DIP2C: variants seen among roughly 807,000 people sequenced by gnomAD.
The protein encoded by DIP2C is disco-interacting protein 2 homolog C.
In DIP2C, 33 loss-of-function variants were observed where a neutral mutation model predicts 192.4. The ratio of observed to expected loss-of-function variants is 0.17; its 90% CI spans 0.13 to 0.23. The LOEUF (loss-of-function observed/expected upper bound fraction) is 0.23. DIP2C is among the 10% of genes least tolerant of loss of function. The probability of loss-of-function intolerance (pLI) is 1.00; values close to 1 mark genes in which losing one functional copy is unlikely to be tolerated. For missense variants in DIP2C, 1,537 were observed against 2,110.1 expected (o/e 0.73, Z 5.32); for synonymous variants, 979 against 864.1 (o/e 1.13, Z -2.33).
intron 1 of DIP2C, among the ~76,000 whole-genome samples, chr10:493,688 G>A (rs1432714295): frequency 2.0e-5 from 3 of 152,188 alleles, no homozygotes. Context: ...GGATTGGGAG[G>A]GAACATGAGC....
chr10:639,476 A>G (rs1166384661), intron 1 of DIP2C, among the ~76,000 whole-genome samples: 2 of 148,794 alleles, frequency 1.3e-5, no homozygotes. Flanking sequence ...CGGTCCACAC[A>G]TGGGGATGTG....
At chr10:303,123 CTG>C (rs1035192628) in intron 32 of DIP2C, among the ~76,000 whole-genome samples, 36 of 152,218 alleles carry the variant, frequency 2.4e-4, no homozygotes, top group African/African-American at 8.4e-4. Flanking sequence ...TTCATAAACA[CTG>C]TACTCGTGAG....
At position 334,416 on chromosome 10, in the gene DIP2C, TTAATTC is replaced by T. The variant is rs1174937315; in HGVS notation, c.3585-4821_3585-4816del. On this transcript the variant is annotated intron_variant, in intron 29 of 36. Transcript: ENST00000280886. ...CCCAGACTGTGGCTTGTCTTTCTAC[TTAATTC>T]TGTCTTTTGATATACAAAAGTTTTA... Among the ~76,000 whole-genome samples, 23 of 152,284 alleles carry T rather than the reference TTAATTC, an allele frequency of 1.5e-4. No homozygotes were observed. The East Asian group carries it at 3.5e-3, about 23-fold the overall frequency.
chr10:610,756 C>A (rs1399622341), intron 1 of DIP2C, among the ~76,000 whole-genome samples: 1 of 151,134 alleles, frequency 6.6e-6, no homozygotes, highest in African/African-American at 2.4e-5. Flanking sequence ...TTTCTAACCC[C>A]CCAGTGTTGG....
chr10:343,516 TG>T (rs2132577388), intron 28 of DIP2C, among the ~76,000 whole-genome samples: 1 of 152,364 alleles, frequency 6.6e-6, no homozygotes, highest in South Asian at 2.1e-4. Flanking sequence ...GTTTCGTAAC[TG>T]TTTTACTATA....
At chr10:286,119 C>T (rs976540964) in intron 34 of DIP2C, among the ~76,000 whole-genome samples, 154 bp downstream of exon 34, 4 of 152,238 alleles carry the variant, frequency 2.6e-5, no homozygotes, top group African/African-American at 9.6e-5. Flanking sequence ...AGCCATAAAG[C>T]TTACCTCACG....
intron 30 of DIP2C, 117 bp from the exon 31 acceptor site, chr10:327,293 T>C: frequency 9.3e-6 from 11 of 1,183,498 alleles, no homozygotes; most frequent in Non-Finnish European, 1.3e-5. Context: ...CAGCTATGCA[T>C]TTCCAGGGCC....
chr10:379,353 T>C (rs917604520), intron 17 of DIP2C, among the ~76,000 whole-genome samples: 1 of 151,932 alleles, frequency 6.6e-6, no homozygotes, highest in Non-Finnish European at 1.5e-5. Context: ...GTTCCATTGA[T>C]CCTGTGAGCC....
At chr10:578,627 TG>T (rs1358958129) in intron 1 of DIP2C, among the ~76,000 whole-genome samples, 1 of 152,160 alleles carries the variant, frequency 6.6e-6, no homozygotes, top group Non-Finnish European at 1.5e-5. Flanking sequence ...TACTCTCCGG[TG>T]CTAACGAGAT....
intron 2 of DIP2C, among the ~76,000 whole-genome samples, chr10:482,456 C>T (rs959112393): frequency 4.6e-5 from 7 of 152,288 alleles, no homozygotes; most frequent in Non-Finnish European, 8.8e-5. Flanking sequence ...AGGCCGCTCA[C>T]GTGACCTCAT....
chr10:444,530 C>G (rs1269341601), intron 3 of DIP2C, among the ~76,000 whole-genome samples: 1 of 152,036 alleles, frequency 6.6e-6, no homozygotes, highest in Non-Finnish European at 1.5e-5. Flanking sequence ...TGGTGCTCTT[C>G]CGTCACCCGA....
intron 18 of DIP2C, among the ~76,000 whole-genome samples, chr10:367,177 G>A (rs538333353): frequency 3.1e-4 from 47 of 152,326 alleles, no homozygotes; most frequent in African/African-American, 1.1e-3. Context: ...CAGTACTTTG[G>A]GAGGCCGAGG....
chr10:637,578 A>G (rs779362998), intron 1 of DIP2C, among the ~76,000 whole-genome samples: 8 of 152,202 alleles, frequency 5.3e-5, no homozygotes, highest in Non-Finnish European at 7.3e-5. Context: ...CCCATTTATG[A>G]GACCCTCATG....
chr10:474,926 CCTTT>C (rs1319017349), intron 2 of DIP2C, among the ~76,000 whole-genome samples: 7 of 152,090 alleles, frequency 4.6e-5, no homozygotes, highest in Admixed American at 1.3e-4. Flanking sequence ...AATATCCATT[CCTTT>C]CTTTTCTCCC....
intron 18 of DIP2C, among the ~76,000 whole-genome samples, chr10:367,208 G>T (rs540671861): frequency 6.6e-6 from 1 of 152,326 alleles, no homozygotes; most frequent in African/African-American, 2.4e-5. Flanking sequence ...ACAAGGTCAG[G>T]AGATCGAGAC....
intron 29 of DIP2C, among the ~76,000 whole-genome samples, chr10:340,353 T>TA (rs930803036): frequency 2.1e-4 from 32 of 151,868 alleles, no homozygotes; most frequent in Admixed American, 5.9e-4. Flanking sequence ...AATACCCATT[T>TA]AAAAAAAAAG....
Position 528,322 on chromosome 10 carries a change from C to G in DIP2C, c.86-41792G>C, listed in dbSNP as rs928326200. On this transcript the variant is annotated intron_variant, in intron 1 of 36. Coordinates refer to ENST00000280886, the MANE Select transcript of DIP2C (RefSeq NM_014974.3). Reference sequence around the variant, plus strand: ...TGCTGCCCACCCAGAATGCAGACCGCCCACAGCTCCCCCAGAAAGCAGACC... The same window carrying G: ...TGCTGCCCACCCAGAATGCAGACCGGCCACAGCTCCCCCAGAAAGCAGACC... 2.0e-5 allele frequency among the ~76,000 whole-genome samples: 3 copies of G among 152,054 alleles called. No individual in the cohort carries two copies. In the South Asian group the frequency reaches 6.3e-4, roughly 32 times the overall value.
At chr10:465,489 G>A (rs1012091354) in intron 3 of DIP2C, among the ~76,000 whole-genome samples, 2 of 151,992 alleles carry the variant, frequency 1.3e-5, no homozygotes, top group African/African-American at 2.4e-5. Flanking sequence ...ACACAGGGAT[G>A]CCCTCTCTCA....
intron 1 of DIP2C, among the ~76,000 whole-genome samples, chr10:580,285 T>C (rs1241217730): frequency 6.6e-6 from 1 of 152,196 alleles, no homozygotes; most frequent in East Asian, 1.9e-4. Flanking sequence ...TGTATGTACA[T>C]ATGCAGCATG....
Sources: allele counts gnomAD v4.1 joint callset (sites outside exome capture counted in the v4.1 genomes callset), GRCh38; gene constraint gnomAD v4.1.1; transcripts MANE v1.5; gene names NCBI Gene and HGNC (gene_info 2026-07-23, HGNC 2026-07-21).